The following CTNND2 variants were observed in gnomAD, a reference collection of about 807,000 sequenced individuals.
CTNND2 encodes catenin delta-2.
A neutral mutation model predicts 144.4 loss-of-function variants in CTNND2; 22 were observed. That is an observed-to-expected ratio of 0.15 (90% CI 0.11 to 0.22). CTNND2 has a LOEUF of 0.22. Ranked by LOEUF, CTNND2 falls within the 10% of genes least tolerant of loss-of-function variation. The pLI is 1.00. For synonymous variants in CTNND2, 751 were observed against 695.6 expected, an observed-to-expected ratio of 1.08 and a Z score of -1.25; for missense variants, 1,353 against 1,618.8, an observed-to-expected ratio of 0.84 and a Z score of 2.82.
At chr5:11,308,781 C>T (rs1356480162) in intron 9 of CTNND2, among the ~76,000 whole-genome samples, 1 of 152,088 alleles carries the variant, frequency 6.6e-6, no homozygotes, top group African/African-American at 2.4e-5. Context: ...CTGTATTAGT[C>T]CTTTCTCATA....
chr5:11,606,862 T>C (rs1314583592), intron 2 of CTNND2, among the ~76,000 whole-genome samples: 1 of 152,190 alleles, frequency 6.6e-6, no homozygotes, highest in Non-Finnish European at 1.5e-5. Flanking sequence ...ATGGGTGGAA[T>C]TGTATTCCCT....
At chr5:11,681,593 G>A (rs1246251819) in intron 2 of CTNND2, among the ~76,000 whole-genome samples, 2 of 152,152 alleles carry the variant, frequency 1.3e-5, no homozygotes, top group Non-Finnish European at 2.9e-5. Context: ...AGTTAATGAA[G>A]GGATAATGAA....
Position 11,903,758 on chromosome 5 carries a change from G to GGAGGACGGCGCCGGGAGGAGGCT in CTNND2, c.37+36_37+58dup. The GGAGGACGGCGCCGGGAGGAGGCT allele has an allele frequency of 2.8e-6, 4 of 1,452,068 alleles. No homozygotes were observed. Among genetic ancestry groups the GGAGGACGGCGCCGGGAGGAGGCT allele is most frequent in the Non-Finnish European group, 3.6e-6 (4 of 1,101,876 alleles). 89.9% of individuals were successfully genotyped at this position (1,452,068 alleles called of 1,614,324 possible). On this transcript the variant is annotated intron_variant, in intron 1 of 21. Coordinates refer to ENST00000304623, the MANE Select transcript of CTNND2 (RefSeq NM_001332.4). This position sits in a 1 kb window ranked among gnomAD's most constrained non-coding sequence, Gnocchi z 5.4. ...ACCACCCCCACCAGCGGCAAGAGGA[G>GGAGGACGGCGCCGGGAGGAGGCT]GAGGACGGCGCCGGGAGGAGGCTGC...
chr5:11,422,387 T>A (rs1762441537), intron 3 of CTNND2, among the ~76,000 whole-genome samples: 1 of 152,210 alleles, frequency 6.6e-6, no homozygotes, highest in South Asian at 2.1e-4. Context: ...TTTGCTATTT[T>A]CAAGACCACA....
intron 2 of CTNND2, among the ~76,000 whole-genome samples, chr5:11,647,487 G>C (rs1782416666): frequency 6.6e-6 from 1 of 151,676 alleles, no homozygotes; most frequent in Non-Finnish European, 1.5e-5. Flanking sequence ...GCCACTGAAG[G>C]GTGGCTTCCA....
intron 1 of CTNND2, among the ~76,000 whole-genome samples, chr5:11,872,611 G>C (rs13181556): frequency 0.23 from 34,650 of 152,106 alleles, 4,246 homozygotes; most frequent in Non-Finnish European, 0.27. Flanking sequence ...TTATGGTTTT[G>C]ATTTGCATTT....
intron 2 of CTNND2, among the ~76,000 whole-genome samples, chr5:11,724,665 G>C (rs1405008952): frequency 6.6e-6 from 1 of 152,194 alleles, no homozygotes; most frequent in Non-Finnish European, 1.5e-5. Context: ...ATATCCCAGA[G>C]TTCTACTTTT....
intron 10 of CTNND2, among the ~76,000 whole-genome samples, chr5:11,210,680 C>A (rs1389025850): frequency 6.6e-6 from 1 of 152,122 alleles, no homozygotes; most frequent in Non-Finnish European, 1.5e-5. Context: ...AAAACACACA[C>A]CCCAAAAGGT....
chr5:11,901,053 C>A (rs1737840815), intron 1 of CTNND2, among the ~76,000 whole-genome samples: 2 of 152,124 alleles, frequency 1.3e-5, no homozygotes, highest in African/African-American at 4.8e-5. Context: ...CAAAATGTAA[C>A]AGTTTCTATT....
At chr5:11,402,720 C>T (rs905866245) in intron 5 of CTNND2, among the ~76,000 whole-genome samples, 7 of 152,150 alleles carry the variant, frequency 4.6e-5, no homozygotes. Context: ...AGAAAAAGCC[C>T]AAGGGGCTTG....
intron 1 of CTNND2, among the ~76,000 whole-genome samples, chr5:11,775,113 G>A (rs1019136584): frequency 2.0e-5 from 3 of 152,148 alleles, no homozygotes; most frequent in African/African-American, 7.2e-5. Context: ...TCAAAAGGCT[G>A]AGAAAAGTGC....
chr5:11,539,106 T>C (rs1774485470), intron 3 of CTNND2, among the ~76,000 whole-genome samples: 1 of 152,176 alleles, frequency 6.6e-6, no homozygotes, highest in South Asian at 2.1e-4. Context: ...GTTCAGGCTG[T>C]AGGGGACAAA....
chr5:11,494,924 T>A (rs1328981582), intron 3 of CTNND2, among the ~76,000 whole-genome samples: 2 of 152,192 alleles, frequency 1.3e-5, no homozygotes, highest in East Asian at 3.9e-4. Context: ...AAATCTTTCA[T>A]TTCATCATTA....
chr5:11,104,885 C>T lies in CTNND2; in HGVS notation c.2463+5973G>A, dbSNP rs917053533. Among the ~76,000 whole-genome samples the T allele has an allele frequency of 1.1e-4, 17 of 152,200 alleles. 1 individual carries two copies. Among genetic ancestry groups the T allele is most frequent in the African/African-American group, 3.6e-4 (15 of 41,456 alleles). ...GAGGCAGGATGAGGTGCTGTCTGAACAAAGCGTTAGGGCAAAAGAGATTCA... is the reference window on the plus strand; with the variant it reads ...GAGGCAGGATGAGGTGCTGTCTGAATAAAGCGTTAGGGCAAAAGAGATTCA... On this transcript the variant is annotated intron_variant, in intron 14 of 21. Coordinates refer to ENST00000304623, the MANE Select transcript of CTNND2 (RefSeq NM_001332.4).
chr5:11,160,862 G>A (rs564120869), intron 11 of CTNND2, among the ~76,000 whole-genome samples: 8 of 152,230 alleles, frequency 5.3e-5, no homozygotes, highest in South Asian at 4.1e-4. Flanking sequence ...GGTTCCTTGC[G>A]TTGCACATGT....
rs148975521 is a variant in CTNND2 at position 11,236,637 on chromosome 5, T to A, written c.1761+54A>T. ...CTTTTCCCCATCAACATTAAGAAGA[T>A]CTAAGTGCTTATGAATCTGACACCA... On this transcript the variant is annotated intron_variant, in intron 10 of 21. Coordinates refer to ENST00000304623, the MANE Select transcript of CTNND2 (RefSeq NM_001332.4). 9.6e-4 allele frequency: 1,532 copies of A among 1,589,988 alleles called. 17 individuals carry two copies. Among genetic ancestry groups the A allele is most frequent in the African/African-American group, 3.3e-3 (248 of 74,296 alleles).
intron 1 of CTNND2, among the ~76,000 whole-genome samples, chr5:11,824,613 C>T (rs1015830605): frequency 2.6e-5 from 4 of 152,138 alleles, no homozygotes; most frequent in Admixed American, 2.0e-4. Flanking sequence ...AGGAGAGATA[C>T]AGGAAACTCT....
At chr5:11,757,317 G>A (rs528361913) in intron 1 of CTNND2, among the ~76,000 whole-genome samples, 3 of 151,406 alleles carry the variant, frequency 2.0e-5, no homozygotes, top group African/African-American at 4.8e-5. Flanking sequence ...AAATCTGTAC[G>A]CAGCTATCCC....
intron 1 of CTNND2, among the ~76,000 whole-genome samples, chr5:11,781,997 G>T (rs1790564171): frequency 6.6e-6 from 1 of 152,158 alleles, no homozygotes; most frequent in African/African-American, 2.4e-5. Context: ...ACCACGTCAT[G>T]GGAGGGGCCT....
Sources: allele counts gnomAD v4.1 joint callset (sites outside exome capture counted in the v4.1 genomes callset), GRCh38; gene constraint gnomAD v4.1.1; non-coding constraint Gnocchi (gnomAD v3.1); transcripts MANE v1.5; gene names NCBI Gene and HGNC (gene_info 2026-07-23, HGNC 2026-07-21).